The following PRKX variants were observed in gnomAD, a reference collection of about 807,000 sequenced individuals.
PRKX encodes cAMP-dependent protein kinase catalytic subunit PRKX.
Under a neutral mutation model 22.0 loss-of-function variants are expected in PRKX, and 12 were observed. The observed-to-expected ratio is 0.54, with a 90% confidence interval of 0.35 to 0.88. PRKX has a LOEUF of 0.88. PRKX is among the 40% of genes least tolerant of loss of function. PRKX has a pLI of 0.01. For missense variants in PRKX, 217 were observed against 308.0 expected, an observed-to-expected ratio of 0.70 and a Z score of 2.21; for synonymous variants, 134 against 137.7, an observed-to-expected ratio of 0.97 and a Z score of 0.19.
At chrX:3,686,045 C>A (rs771759664) in intron 1 of PRKX, among the ~76,000 whole-genome samples, 3 of 111,712 alleles carry the variant, frequency 2.7e-5, no homozygotes, top group Non-Finnish European at 5.6e-5. Flanking sequence ...AAGACCCCCT[C>A]TCAACAACAA....
intron 5 of PRKX, among the ~76,000 whole-genome samples, chrX:3,624,203 T>C (rs1182816332): frequency 9.0e-6 from 1 of 111,498 alleles, no homozygotes. Context: ...TACCCATCTC[T>C]ACCAAAAAAA....
At chrX:3,688,697 TA>T (rs762021655) in intron 1 of PRKX, among the ~76,000 whole-genome samples, 17 of 101,064 alleles carry the variant, frequency 1.7e-4, no homozygotes, top group South Asian at 4.3e-4. Context: ...ACACCATCTA[TA>T]AAAAAAAAAA....
At chrX:3,682,578 T>A (rs1019914849) in intron 1 of PRKX, among the ~76,000 whole-genome samples, 3 of 111,500 alleles carry the variant, frequency 2.7e-5, no homozygotes, top group African/African-American at 9.8e-5. Context: ...GGTGAGGTCA[T>A]CCTGAAGGTG....
At chrX:3,665,840 C>G (rs1323537565) in intron 2 of PRKX, among the ~76,000 whole-genome samples, 7 of 107,404 alleles carry the variant, frequency 6.5e-5, no homozygotes, top group African/African-American at 2.4e-4. Context: ...GTTGCCAGGG[C>G]AGGGCTGGAG....
At chrX:3,698,507 TTTG>T (rs777942582) in intron 1 of PRKX, among the ~76,000 whole-genome samples, 64 of 109,834 alleles carry the variant, frequency 5.8e-4, no homozygotes, top group Non-Finnish European at 1.0e-3. Flanking sequence ...GTTTTCACTT[TTTG>T]TTGTTGTTGT....
chrX:3,698,510 G>T (rs73625739), intron 1 of PRKX, among the ~76,000 whole-genome samples: 3,768 of 109,773 alleles, frequency 0.034, 177 homozygotes, highest in African/African-American at 0.12. Context: ...TTCACTTTTT[G>T]TTGTTGTTGT....
chrX:3,636,481 G>A (rs1926889117), intron 4 of PRKX, among the ~76,000 whole-genome samples: 2 of 112,970 alleles, frequency 1.8e-5, no homozygotes, highest in Admixed American at 1.9e-4. Context: ...GTCGGACAGG[G>A]CATGGCCCAG....
At chrX:3,622,481 C>T (rs1314415060) in intron 5 of PRKX, among the ~76,000 whole-genome samples, 2 of 111,223 alleles carry the variant, frequency 1.8e-5, no homozygotes, top group African/African-American at 6.5e-5. Context: ...GACTGAGCCA[C>T]TCCCAGGTTC....
intron 8 of PRKX, among the ~76,000 whole-genome samples, chrX:3,609,413 G>A (rs1454753784): frequency 9.0e-6 from 1 of 111,314 alleles, no homozygotes; most frequent in Non-Finnish European, 1.9e-5. Flanking sequence ...CATGCGCCTC[G>A]GCCTCCCAAG....
intron 4 of PRKX, among the ~76,000 whole-genome samples, chrX:3,640,521 T>C (rs888637239): frequency 2.7e-5 from 3 of 112,104 alleles, no homozygotes; most frequent in Admixed American, 1.9e-4. Flanking sequence ...GTCTCAGGCA[T>C]ATGCTAGACT....
At chrX:3,685,450 TAA>T (rs1206081817) in intron 1 of PRKX, among the ~76,000 whole-genome samples, 1 of 111,580 alleles carries the variant, frequency 9.0e-6, no homozygotes, top group Non-Finnish European at 1.9e-5. Context: ...CTAACCTCTC[TAA>T]AATTCATCTA....
chrX:3,683,278 T>G (rs1478685868), intron 1 of PRKX, among the ~76,000 whole-genome samples: 1 of 111,892 alleles, frequency 8.9e-6, no homozygotes, highest in Non-Finnish European at 1.9e-5. Flanking sequence ...TGCTGCGAGC[T>G]CACAGTCAAA....
intron 6 of PRKX, among the ~76,000 whole-genome samples, chrX:3,617,329 AGT>A (rs1027222285): frequency 1.8e-5 from 2 of 110,201 alleles, no homozygotes; most frequent in Admixed American, 9.9e-5. Context: ...TATCCAAACT[AGT>A]GTGTGTGTGT....
intron 4 of PRKX, among the ~76,000 whole-genome samples, chrX:3,633,636 GA>G (rs1163415770): frequency 9.0e-6 from 1 of 111,533 alleles, no homozygotes; most frequent in Non-Finnish European, 1.9e-5. Flanking sequence ...AGTAAAATTT[GA>G]ATGTAACCAT....
rs1047369516 is a variant in PRKX, at chrX:3,625,390, T to C, written c.815+1029A>G. Among the ~76,000 whole-genome samples, 3 of 111,026 alleles carry C rather than the reference T, an allele frequency of 2.7e-5. No homozygotes were observed. The Admixed American group carries it at 2.9e-4, about 11-fold the overall frequency. On this transcript the variant is annotated intron_variant, in intron 5 of 8. Transcript: ENST00000262848. ...GAACTTCCACCGGCTCATAAGAAAATAGACCATGGAAAAGAAAAGTTTAAT... is the reference window on the plus strand; with the variant it reads ...GAACTTCCACCGGCTCATAAGAAAACAGACCATGGAAAAGAAAAGTTTAAT...
intron 1 of PRKX, among the ~76,000 whole-genome samples, chrX:3,679,109 T>C (rs1444162290): frequency 9.0e-6 from 1 of 111,455 alleles, no homozygotes; most frequent in Non-Finnish European, 1.9e-5. Context: ...GCAGGTTCAT[T>C]ACATGGGTAT....
At chrX:3,673,981 C>G (rs1295795009) in intron 2 of PRKX, among the ~76,000 whole-genome samples, 2 of 111,471 alleles carry the variant, frequency 1.8e-5, no homozygotes, top group Non-Finnish European at 3.8e-5. Flanking sequence ...TCCACCGTGT[C>G]TTGATCTTGG....
At chrX:3,645,340 G>C (rs1927165789) in intron 3 of PRKX, among the ~76,000 whole-genome samples, 2 of 111,010 alleles carry the variant, frequency 1.8e-5, no homozygotes, top group African/African-American at 3.3e-5. Flanking sequence ...ATAAAGTATA[G>C]ATATCCAATG....
chrX:3,631,699 A>G (rs1176404508), intron 4 of PRKX, among the ~76,000 whole-genome samples: 1 of 110,957 alleles, frequency 9.0e-6, no homozygotes, highest in African/African-American at 3.3e-5. Flanking sequence ...CTTCTAAGAG[A>G]CTGAAGAGGA....
Sources: gnomAD v4.1 joint callset for allele counts (sites outside exome capture counted in the v4.1 genomes callset) on GRCh38, gnomAD v4.1.1 for gene constraint, MANE v1.5 for transcripts, NCBI Gene and HGNC (gene_info 2026-07-23, HGNC 2026-07-21) for gene names.